USP6NL: variants seen among roughly 807,000 people sequenced by gnomAD.
USP6NL encodes the protein USP6 N-terminal like, also known as USP6 N-terminal-like protein.
In USP6NL, 26 loss-of-function variants were observed where a neutral mutation model predicts 61.9. That is an observed-to-expected ratio of 0.42 (90% CI 0.31 to 0.58). The LOEUF (loss-of-function observed/expected upper bound fraction) is 0.58. Among genes scored for constraint, USP6NL ranks in the 20% least tolerant of loss-of-function variants. The pLI is 0.16. For missense variants in USP6NL, 1,114 were observed against 1,034.3 expected (o/e 1.08, Z -1.06); for synonymous variants, 432 against 390.1 (o/e 1.11, Z -1.27).
chr10:11,519,264 A>C (rs538679721), intron 4 of USP6NL, among the ~76,000 whole-genome samples: 114 of 152,316 alleles, frequency 7.5e-4, no homozygotes, highest in African/African-American at 2.7e-3. Context: ...TGATTGTTTA[A>C]AAAAATAGCA....
Position 11,491,920 on chromosome 10 carries a change from G to A in USP6NL, c.495-1040C>T, listed in dbSNP as rs1833723244. ...TGTGACCACATGACCAGTCACAGAAGGGATTGCTGCAATTATTATGAGTAT... is the reference window on the plus strand; with the variant it reads ...TGTGACCACATGACCAGTCACAGAAAGGATTGCTGCAATTATTATGAGTAT... On this transcript the variant is annotated intron_variant, in intron 8 of 14. Coordinates refer to ENST00000609104, the MANE Select transcript of USP6NL (RefSeq NM_014688.5). This position sits in a 1 kb window ranked among gnomAD's most constrained non-coding sequence, Gnocchi z 4.7. 6.6e-6 allele frequency among the ~76,000 whole-genome samples: 1 copy of A among 152,184 alleles called. No homozygotes were observed. Among genetic ancestry groups the A allele is most frequent in the Admixed American group, 6.5e-5 (1 of 15,278 alleles).
chr10:11,517,832 T>A (rs1314559743), intron 5 of USP6NL, among the ~76,000 whole-genome samples: 1 of 152,202 alleles, frequency 6.6e-6, no homozygotes, highest in Non-Finnish European at 1.5e-5. Flanking sequence ...ATACATGAAC[T>A]GATAATAATC....
At chr10:11,610,032 G>A (rs541269133) in intron 1 of USP6NL, among the ~76,000 whole-genome samples, 1 of 152,272 alleles carries the variant, frequency 6.6e-6, no homozygotes, top group South Asian at 2.1e-4. Context: ...TTTGGCAAAG[G>A]ATGTTTCTTT....
intron 4 of USP6NL, among the ~76,000 whole-genome samples, chr10:11,522,630 A>T (rs1436824821): frequency 6.6e-6 from 1 of 152,202 alleles, no homozygotes; most frequent in East Asian, 1.9e-4. Context: ...GGAGTAAATA[A>T]AATTAGTGTG....
intron 5 of USP6NL, among the ~76,000 whole-genome samples, chr10:11,509,880 T>C (rs1834625660): frequency 1.3e-5 from 2 of 152,302 alleles, no homozygotes; most frequent in East Asian, 1.9e-4. Flanking sequence ...GGAAATGCTC[T>C]CTCTAGGTAA....
At chr10:11,467,221 G>A (rs1046143430) in intron 14 of USP6NL, among the ~76,000 whole-genome samples, 2 of 152,136 alleles carry the variant, frequency 1.3e-5, no homozygotes, top group Admixed American at 1.3e-4. Context: ...ACTCTCAAAG[G>A]AAATGGAGGA....
chr10:11,576,533 CACG>C (rs1269785676), intron 2 of USP6NL, among the ~76,000 whole-genome samples: 1 of 152,202 alleles, frequency 6.6e-6, no homozygotes. Context: ...CGTGCCTTTC[CACG>C]ACGTGAGGAG....
intron 2 of USP6NL, among the ~76,000 whole-genome samples, chr10:11,588,604 A>G (rs930270043): frequency 6.6e-6 from 1 of 152,204 alleles, no homozygotes; most frequent in Non-Finnish European, 1.5e-5. Flanking sequence ...AGAGACACAC[A>G]CTAATGAAAG....
At chr10:11,583,009 C>A (rs1014428551) in intron 2 of USP6NL, among the ~76,000 whole-genome samples, 2 of 149,094 alleles carry the variant, frequency 1.3e-5, no homozygotes, top group African/African-American at 5.0e-5. Flanking sequence ...CAAAGATAAA[C>A]CAGCATTAAA....
intron 4 of USP6NL, among the ~76,000 whole-genome samples, chr10:11,521,170 A>AT (rs1835189162): frequency 6.6e-6 from 1 of 152,168 alleles, no homozygotes; most frequent in South Asian, 2.1e-4. Context: ...ACTTGTTAAA[A>AT]TTAATAAGTT....
In USP6NL at chr10:11,489,705, T is replaced by C. The variant is rs1188619646; in HGVS notation, c.544-483A>G. Among the ~76,000 whole-genome samples the C allele has an allele frequency of 1.3e-5, 2 of 152,230 alleles. No individual in the cohort carries two copies. Among genetic ancestry groups the C allele is most frequent in the African/African-American group, 2.4e-5 (1 of 41,460 alleles). The stretch of plus-strand genomic sequence containing the variant: ...CCACTCTCCCCATAGTCCCTGCTTA[T>C]GATGTGGCCTTAAGGATTCATGCTT... On this transcript the variant is annotated intron_variant, in intron 9 of 14. Coordinates refer to ENST00000609104, the MANE Select transcript of USP6NL (RefSeq NM_014688.5). This position sits in a 1 kb window ranked among gnomAD's most constrained non-coding sequence, Gnocchi z 5.7.
Position 11,589,034 on chromosome 10 carries a change from A to G in USP6NL, c.4+8597T>C, listed in dbSNP as rs1758071783. On this transcript the variant is annotated intron_variant, in intron 2 of 14. Coordinates refer to ENST00000609104, the MANE Select transcript of USP6NL (RefSeq NM_014688.5). This position sits in a 1 kb window ranked among gnomAD's most constrained non-coding sequence, Gnocchi z 4.7. Reference sequence around the variant, plus strand: ...AAACCACAATGGCCCTATTGCCCCCATGTATGGAAACCCGGATAAGATAAT... The same window carrying G: ...AAACCACAATGGCCCTATTGCCCCCGTGTATGGAAACCCGGATAAGATAAT... Among the ~76,000 whole-genome samples, 1 of 152,164 alleles carries G rather than the reference A, an allele frequency of 6.6e-6. No homozygotes were observed. The highest frequency in any genetic ancestry group is 1.5e-5 in the Non-Finnish European group (1 of 68,010).
At chr10:11,488,037 G>A (rs1489304636) in intron 10 of USP6NL, among the ~76,000 whole-genome samples, 1 of 152,164 alleles carries the variant, frequency 6.6e-6, no homozygotes, top group Non-Finnish European at 1.5e-5. Flanking sequence ...AATAACTAGT[G>A]TTAAAATCAT....
rs1435594857 is a variant in USP6NL, at chr10:11,595,031, G to C, written c.4+2600C>G. 6.6e-6 allele frequency among the ~76,000 whole-genome samples: 1 copy of C among 152,178 alleles called. No homozygotes were observed. The highest frequency in any genetic ancestry group is 1.9e-4 in the East Asian group (1 of 5,200). On this transcript the variant is annotated intron_variant, in intron 2 of 14. Transcript: ENST00000609104. The surrounding 1 kb of genome is among the most constrained non-coding windows in gnomAD (Gnocchi z 5.3). ...TGTGGGTGACAGGCAGTGGCTCTAGGAACTAGCAGACTACTCAGAAGCTGA... is the reference window on the plus strand; with the variant it reads ...TGTGGGTGACAGGCAGTGGCTCTAGCAACTAGCAGACTACTCAGAAGCTGA...
chr10:11,462,661 G>A lies in USP6NL; in HGVS notation c.2267C>T (p.Ala756Val), dbSNP rs569538355. The A allele has an allele frequency of 6.2e-6, 10 of 1,613,994 alleles. No homozygotes were observed. In the South Asian group the frequency reaches 6.6e-5, roughly 11 times the overall value. Reference protein sequence around the residue: ...ETQGQSWTRDASRGNLPKYSA... With the variant: ...ETQGQSWTRDVSRGNLPKYSA... Reference sequence around the variant, plus strand: ...GTATTTTGGTAAATTGCCACGGCTAGCATCTCGGGTCCATGATTGTCCCTG... The same window carrying A: ...GTATTTTGGTAAATTGCCACGGCTAACATCTCGGGTCCATGATTGTCCCTG... The change falls in exon 15 of 15, where the codon GCT becomes GTT. Residue 756 changes from alanine (A) to valine (V), a missense_variant. Physicochemically the swap from Ala to Val is moderately conservative, Grantham distance 64 (BLOSUM62 0). Coordinates refer to ENST00000609104, the MANE Select transcript of USP6NL (RefSeq NM_014688.5).
chr10:11,609,977 C>CT (rs934164744), intron 1 of USP6NL, among the ~76,000 whole-genome samples: 7 of 152,162 alleles, frequency 4.6e-5, no homozygotes, highest in African/African-American at 1.7e-4. Flanking sequence ...TAGCTAAAAA[C>CT]TAAGTAGGCA....
chr10:11,572,583 T>C (rs558816832), intron 2 of USP6NL, among the ~76,000 whole-genome samples: 16 of 152,240 alleles, frequency 1.1e-4, no homozygotes, highest in African/African-American at 2.9e-4. Context: ...CATACTATCA[T>C]GCTAAATCAT....
intron 2 of USP6NL, chr10:11,573,965 T>C (rs766948955): frequency 1.4e-5 from 4 of 279,504 alleles, no homozygotes; most frequent in Non-Finnish European, 2.6e-5. Flanking sequence ...CCTTAACTAG[T>C]TATAAACAAA....
chr10:11,546,104 TA>T (rs1836263344), intron 2 of USP6NL, among the ~76,000 whole-genome samples: 1 of 152,234 alleles, frequency 6.6e-6, no homozygotes, highest in Non-Finnish European at 1.5e-5. Flanking sequence ...ACAAACTCTC[TA>T]TGTGCAAGGC....
Sources: gnomAD v4.1 joint callset for allele counts (sites outside exome capture counted in the v4.1 genomes callset) on GRCh38, gnomAD v4.1.1 for gene constraint, Gnocchi (gnomAD v3.1) non-coding constraint, MANE v1.5 for transcripts, NCBI Gene and HGNC (gene_info 2026-07-23, HGNC 2026-07-21) for gene names.